ENTHD1: variants seen among roughly 807,000 people sequenced by gnomAD.
The protein encoded by ENTHD1 is ENTH domain containing 1, also known as ENTH domain-containing protein 1.
A neutral mutation model predicts 39.1 loss-of-function variants in ENTHD1; 23 were observed. The ratio of observed to expected loss-of-function variants is 0.59; its 90% confidence interval spans 0.42 to 0.83. ENTHD1 has a LOEUF of 0.83. Among genes scored for constraint, ENTHD1 ranks in the 40% least tolerant of loss-of-function variants. The pLI is 0.00. For synonymous variants in ENTHD1, 230 were observed against 258.2 expected, an observed-to-expected ratio of 0.89 and a Z score of 1.05; for missense variants, 624 against 705.4, an observed-to-expected ratio of 0.88 and a Z score of 1.31.
rs147928383 is a variant in ENTHD1 at position 39,765,216 on chromosome 22, G to C, written c.1219+7C>G. On this transcript the variant is annotated splice_region_variant and intron_variant, in intron 6 of 6. Coordinates refer to ENST00000325157, the MANE Select transcript of ENTHD1 (RefSeq NM_152512.4). ...TGTGTGTGTGTGTGTGTGTTTGGCA[G>C]ACTCACCCCGTGTGGTTGTCTTGAG... 97 of 1,574,340 alleles carry C rather than the reference G, an allele frequency of 6.2e-5. No homozygotes were observed. The East Asian group carries it at 2.2e-3, about 36-fold the overall frequency.
At chr22:39,759,340 G>A (rs1008354941) in intron 6 of ENTHD1, among the ~76,000 whole-genome samples, 2 of 152,048 alleles carry the variant, frequency 1.3e-5, no homozygotes, top group East Asian at 1.9e-4. Flanking sequence ...AAAGGTCTTC[G>A]CAGGTCAATT....
chr22:39,839,578 G>GTTT (rs908022509), intron 3 of ENTHD1, among the ~76,000 whole-genome samples: 1 of 152,136 alleles, frequency 6.6e-6, no homozygotes, highest in Admixed American at 6.5e-5. Flanking sequence ...TTTTCATTTT[G>GTTT]TTTTAACTTC....
At chr22:39,864,723 CT>C (rs2066170481) in intron 2 of ENTHD1, among the ~76,000 whole-genome samples, 1 of 152,024 alleles carries the variant, frequency 6.6e-6, no homozygotes, top group Non-Finnish European at 1.5e-5. Flanking sequence ...GAAACCCTGT[CT>C]CTACTACAAA....
At chr22:39,749,829 T>C (rs954445287) in intron 6 of ENTHD1, among the ~76,000 whole-genome samples, 2 of 152,204 alleles carry the variant, frequency 1.3e-5, no homozygotes, top group Non-Finnish European at 2.9e-5. Context: ...TTACCCTGGC[T>C]GAGCGAAGGG....
At chr22:39,835,143 G>C (rs537445528) in intron 4 of ENTHD1, among the ~76,000 whole-genome samples, 22 of 152,158 alleles carry the variant, frequency 1.4e-4, no homozygotes, top group African/African-American at 5.1e-4. Flanking sequence ...GTTGAACAAT[G>C]AATAAGGGCT....
At chr22:39,816,302 TG>T (rs1462181089) in intron 5 of ENTHD1, among the ~76,000 whole-genome samples, 1 of 152,170 alleles carries the variant, frequency 6.6e-6, no homozygotes, top group Non-Finnish European at 1.5e-5. Context: ...TTAGAATCTG[TG>T]TCAAATCAGG....
At chr22:39,786,376 T>C (rs2065458509) in intron 5 of ENTHD1, among the ~76,000 whole-genome samples, 1 of 152,132 alleles carries the variant, frequency 6.6e-6, no homozygotes, top group Admixed American at 6.5e-5. Flanking sequence ...TCATTTTTGG[T>C]GAACATTTAA....
At chr22:39,877,288 C>T (rs2066299475) in intron 2 of ENTHD1, among the ~76,000 whole-genome samples, 1 of 152,178 alleles carries the variant, frequency 6.6e-6, no homozygotes, top group East Asian at 1.9e-4. Flanking sequence ...TTCTTGCCAT[C>T]CTTGACCTAA....
At chr22:39,884,042 G>GA (rs1215425135) in intron 2 of ENTHD1, among the ~76,000 whole-genome samples, 7 of 149,730 alleles carry the variant, frequency 4.7e-5, no homozygotes, top group Non-Finnish European at 2.9e-5. Flanking sequence ...GAAAGAAATG[G>GA]AAAAAAGATC....
chr22:39,859,126 T>C (rs1238041155), intron 3 of ENTHD1, among the ~76,000 whole-genome samples: 1 of 152,234 alleles, frequency 6.6e-6, no homozygotes, highest in African/African-American at 2.4e-5. Context: ...CTCTGCTAGC[T>C]TCAAGATTTT....
chr22:39,859,622 T>C (rs1367433470), intron 3 of ENTHD1, among the ~76,000 whole-genome samples: 3 of 152,190 alleles, frequency 2.0e-5, no homozygotes, highest in Non-Finnish European at 4.4e-5. Flanking sequence ...AGAACACACA[T>C]GACATCTATC....
intron 5 of ENTHD1, among the ~76,000 whole-genome samples, chr22:39,799,415 T>C (rs2065580154): frequency 6.6e-6 from 1 of 152,196 alleles, no homozygotes; most frequent in Admixed American, 6.5e-5. Context: ...TTTTTGCTCC[T>C]TAGTTCAGCT....
chr22:39,769,635 G>A (rs1300790064), intron 5 of ENTHD1, among the ~76,000 whole-genome samples: 2 of 152,100 alleles, frequency 1.3e-5, no homozygotes, highest in Non-Finnish European at 2.9e-5. Context: ...AATGGAACTG[G>A]TCACCAAGGC....
In ENTHD1 at chr22:39,877,857, T is replaced by A. The variant is rs538533024; in HGVS notation, c.349+9543A>T. Among the ~76,000 whole-genome samples, 49 of 152,252 alleles carry A rather than the reference T, an allele frequency of 3.2e-4. 1 individual carries two copies. Among genetic ancestry groups the A allele is most frequent in the African/African-American group, 1.1e-3 (46 of 41,552 alleles). ...AACTTACTGCCACATCACTAAAGGCTTATTTACCTGAGATCCTCTTACTGT... is the reference window on the plus strand; with the variant it reads ...AACTTACTGCCACATCACTAAAGGCATATTTACCTGAGATCCTCTTACTGT... On this transcript the variant is annotated intron_variant, in intron 2 of 6. Coordinates refer to ENST00000325157, the MANE Select transcript of ENTHD1 (RefSeq NM_152512.4).
chr22:39,864,179 C>G (rs182867286), intron 2 of ENTHD1, among the ~76,000 whole-genome samples: 25 of 152,300 alleles, frequency 1.6e-4, no homozygotes, highest in Admixed American at 1.6e-3. Context: ...GTTTTGGAGG[C>G]ACAAAGAACA....
intron 3 of ENTHD1, among the ~76,000 whole-genome samples, chr22:39,856,708 C>T (rs1051879212): frequency 6.6e-6 from 1 of 151,808 alleles, no homozygotes; most frequent in Non-Finnish European, 1.5e-5. Flanking sequence ...TTCAAGTCAG[C>T]TGGGTGTGGC....
intron 5 of ENTHD1, among the ~76,000 whole-genome samples, chr22:39,798,668 C>A (rs2065571532): frequency 6.6e-6 from 1 of 152,096 alleles, no homozygotes; most frequent in South Asian, 2.1e-4. Flanking sequence ...GGCCCCTGGG[C>A]AGTAGAAACA....
chr22:39,816,350 A>G (rs1167416916), intron 5 of ENTHD1, among the ~76,000 whole-genome samples: 2 of 152,246 alleles, frequency 1.3e-5, no homozygotes, highest in Non-Finnish European at 2.9e-5. Context: ...GGAGGGGAAA[A>G]TAACGCCATT....
intron 5 of ENTHD1, among the ~76,000 whole-genome samples, chr22:39,808,365 G>T (rs1484890920): frequency 6.6e-6 from 1 of 152,148 alleles, no homozygotes; most frequent in Non-Finnish European, 1.5e-5. Flanking sequence ...CTGCATAAAG[G>T]CAGGAACTTG....
Sources: allele counts gnomAD v4.1 joint callset (sites outside exome capture counted in the v4.1 genomes callset), GRCh38; gene constraint gnomAD v4.1.1; transcripts MANE v1.5; gene names NCBI Gene and HGNC (gene_info 2026-07-23, HGNC 2026-07-21).